THADA: variants seen among roughly 807,000 people sequenced by gnomAD.
The protein encoded by THADA is tRNA (32-2'-O)-methyltransferase regulator THADA.
THADA carries 213 observed loss-of-function variants against 219.8 expected under a neutral mutation model. That is an observed-to-expected ratio of 0.97 (90% CI 0.87 to 1.09). The LOEUF (loss-of-function observed/expected upper bound fraction) is 1.09, where lower values mean the gene tolerates loss of function less well. THADA is among the 50% of genes least tolerant of loss of function. The pLI, the probability that THADA is intolerant of heterozygous loss-of-function variation, is 0.00. For missense variants in THADA, 2,956 were observed against 2,311.3 expected, an observed-to-expected ratio of 1.28 and a Z score of -5.72; for synonymous variants, 1,018 against 828.9, an observed-to-expected ratio of 1.23 and a Z score of -3.92.
At chr2:43,386,388 GT>G (rs1055433743) in intron 29 of THADA, among the ~76,000 whole-genome samples, 46 of 151,558 alleles carry the variant, frequency 3.0e-4, no homozygotes, top group African/African-American at 1.1e-3. Flanking sequence ...AATAGATGTA[GT>G]TTTCCTTTTT....
chr2:43,292,701 T>C (rs1224415712), intron 32 of THADA, 133 bp downstream of exon 32: 11 of 1,125,454 alleles, frequency 9.8e-6, no homozygotes, highest in Non-Finnish European at 1.4e-5. Context: ...CCTTATCCAC[T>C]GGCTGCCGAA....
At chr2:43,459,492 A>C (rs931178704) in intron 26 of THADA, among the ~76,000 whole-genome samples, 2 of 152,174 alleles carry the variant, frequency 1.3e-5, no homozygotes, top group Non-Finnish European at 2.9e-5. Context: ...GAATGAGGCA[A>C]ATACCCACCC....
At chr2:43,396,202 T>C (rs920790611) in intron 29 of THADA, among the ~76,000 whole-genome samples, 3 of 152,184 alleles carry the variant, frequency 2.0e-5, no homozygotes, top group African/African-American at 7.2e-5. Context: ...CAGTTCCCAC[T>C]TGGGGGCTAC....
intron 28 of THADA, among the ~76,000 whole-genome samples, chr2:43,411,573 G>T (rs13029250): frequency 0.53 from 81,058 of 151,902 alleles, 22,624 homozygotes; most frequent in African/African-American, 0.65. Flanking sequence ...AAAGGTAATT[G>T]TCAACTCATA....
chr2:43,345,352 C>T lies in THADA; in HGVS notation c.4228-1115G>A, dbSNP rs183563170. ...GGTAGACTGGCAGGTTTTACTGGGT[C>T]AGACGTCTGCAATCACCAACAACAA... On this transcript the variant is annotated intron_variant, in intron 29 of 37. Coordinates refer to ENST00000405975, the MANE Select transcript of THADA (RefSeq NM_022065.5). 4.5e-4 allele frequency among the ~76,000 whole-genome samples: 69 copies of T among 152,336 alleles called. 1 individual carries two copies. Among genetic ancestry groups the T allele is most frequent in the Admixed American group, 4.5e-3 (69 of 15,308 alleles).
intron 10 of THADA, among the ~76,000 whole-genome samples, chr2:43,576,714 G>A (rs1699893569): frequency 6.6e-6 from 1 of 152,106 alleles, no homozygotes; most frequent in Non-Finnish European, 1.5e-5. Flanking sequence ...GAGTGCAGTG[G>A]CACAATCATA....
At chr2:43,379,692 C>A (rs1452476959) in intron 29 of THADA, among the ~76,000 whole-genome samples, 1 of 152,184 alleles carries the variant, frequency 6.6e-6, no homozygotes, top group East Asian at 1.9e-4. Context: ...CCGCTAGGTA[C>A]TTACCCAACT....
chr2:43,378,371 A>G (rs1671622665), intron 29 of THADA, among the ~76,000 whole-genome samples: 1 of 152,234 alleles, frequency 6.6e-6, no homozygotes, highest in Non-Finnish European at 1.5e-5. Flanking sequence ...AAACGGAGAT[A>G]AAGAATATTC....
chr2:43,295,696 A>T (rs1322909558), intron 31 of THADA, among the ~76,000 whole-genome samples: 1 of 151,424 alleles, frequency 6.6e-6, no homozygotes, highest in Non-Finnish European at 1.5e-5. Context: ...TAACATAAAC[A>T]TAATGCATAT....
chr2:43,297,090 T>A (rs1442014582), intron 31 of THADA, among the ~76,000 whole-genome samples: 2 of 94,178 alleles, frequency 2.1e-5, no homozygotes, highest in Admixed American at 2.0e-4. Flanking sequence ...ATCTAGGAAG[T>A]GAGGAGCGCC....
intron 15 of THADA, chr2:43,566,314 C>T (rs908642221): frequency 7.4e-6 from 4 of 542,848 alleles, no homozygotes; most frequent in African/African-American, 2.0e-5. Flanking sequence ...ACATTTTAAC[C>T]ACAGAGACTC....
intron 7 of THADA, among the ~76,000 whole-genome samples, chr2:43,582,568 G>T (rs565717512): frequency 1.5e-5 from 2 of 130,434 alleles, no homozygotes; most frequent in African/African-American, 6.7e-5. Context: ...TCCCTCCCTG[G>T]CTTTTTTTTT....
At position 43,379,081 on chromosome 2, in the gene THADA, G is replaced by A. The variant is rs184530939; in HGVS notation, c.4227+18890C>T. ...ATGTTAGCAAGCATAAATACTGAGT[G>A]TAAAATAATAAAAATAATGACGGAT... On this transcript the variant is annotated intron_variant, in intron 29 of 37. Transcript: ENST00000405975. 1.6e-3 allele frequency among the ~76,000 whole-genome samples: 247 copies of A among 152,236 alleles called. 1 individual carries two copies. Among genetic ancestry groups the A allele is most frequent in the Non-Finnish European group, 3.0e-3 (205 of 68,024 alleles).
At chr2:43,318,170 C>G (rs1489728367) in intron 31 of THADA, among the ~76,000 whole-genome samples, 2 of 151,900 alleles carry the variant, frequency 1.3e-5, no homozygotes, top group Non-Finnish European at 2.9e-5. Context: ...CTCCCAAGTA[C>G]CTAGGCCTAC....
chr2:43,298,104 C>T (rs1364609709), intron 31 of THADA, among the ~76,000 whole-genome samples: 1 of 91,272 alleles, frequency 1.1e-5, no homozygotes, highest in East Asian at 2.5e-4. Flanking sequence ...GTGTGCCCAA[C>T]AGCTCATTGA....
intron 36 of THADA, among the ~76,000 whole-genome samples, chr2:43,234,715 G>A (rs573677216): frequency 3.9e-5 from 6 of 152,108 alleles, no homozygotes; most frequent in East Asian, 1.9e-4. Flanking sequence ...GTACAGTGGC[G>A]TGATCTTGGC....
chr2:43,354,113 G>A (rs867544962), intron 29 of THADA, among the ~76,000 whole-genome samples: 54 of 151,992 alleles, frequency 3.6e-4, no homozygotes, highest in Middle Eastern at 3.4e-3. Flanking sequence ...GAGCCACTGC[G>A]CCCGGCCAAT....
chr2:43,354,647 G>A (rs35052120), intron 29 of THADA, among the ~76,000 whole-genome samples: 2 of 152,110 alleles, frequency 1.3e-5, no homozygotes, highest in African/African-American at 2.4e-5. Flanking sequence ...ACTTAACATG[G>A]AACCTCTAGT....
chr2:43,268,067 G>T (rs1027519298), intron 36 of THADA, among the ~76,000 whole-genome samples: 7 of 152,168 alleles, frequency 4.6e-5, no homozygotes, highest in African/African-American at 1.7e-4. Context: ...TGCCGTCAAG[G>T]CCAATTCTTT....
Sources: gnomAD v4.1 joint callset for allele counts (sites outside exome capture counted in the v4.1 genomes callset) on GRCh38, gnomAD v4.1.1 for gene constraint, MANE v1.5 for transcripts, NCBI Gene and HGNC (gene_info 2026-07-23, HGNC 2026-07-21) for gene names.